The following LRP1B variants were observed in gnomAD, a reference collection of about 807,000 sequenced individuals.
LRP1B encodes LDL receptor related protein 1B, also known as low-density lipoprotein receptor-related protein 1B.
In LRP1B, 217 loss-of-function variants were observed where a neutral mutation model predicts 556.6. That is an observed-to-expected ratio of 0.39 (90% CI 0.35 to 0.44). LRP1B has a LOEUF of 0.44. Ranked by LOEUF, LRP1B falls within the 20% of genes least tolerant of loss-of-function variation. LRP1B has a pLI of 1.00. For synonymous variants in LRP1B, 2,047 were observed against 1,865.8 expected, an observed-to-expected ratio of 1.10 and a Z score of -2.50; for missense variants, 5,053 against 5,620.8, an observed-to-expected ratio of 0.90 and a Z score of 3.23.
intron 1 of LRP1B, among the ~76,000 whole-genome samples, chr2:141,927,933 G>GAAAA (rs796539501): frequency 1.6e-5 from 2 of 126,944 alleles, no homozygotes; most frequent in African/African-American, 5.9e-5. Flanking sequence ...AAGAAAGAAA[G>GAAAA]AAAAAAAAAA....
chr2:140,799,747 A>G (rs1305636578), intron 32 of LRP1B, among the ~76,000 whole-genome samples: 1 of 152,208 alleles, frequency 6.6e-6, no homozygotes, highest in Non-Finnish European at 1.5e-5. Context: ...TCTAAACATC[A>G]TGGATTAAAA....
At chr2:140,309,331 TCTATATA>T (rs1376455325) in intron 83 of LRP1B, among the ~76,000 whole-genome samples, 3 of 151,820 alleles carry the variant, frequency 2.0e-5, no homozygotes, top group African/African-American at 7.2e-5. Context: ...TATTTATACT[TCTATATA>T]CTTCTAGAAG....
chr2:141,915,149 A>C (rs1699997205), intron 1 of LRP1B, among the ~76,000 whole-genome samples: 1 of 152,180 alleles, frequency 6.6e-6, no homozygotes, highest in African/African-American at 2.4e-5. Context: ...ACAAAAACAG[A>C]CACTTAGACC....
intron 7 of LRP1B, among the ~76,000 whole-genome samples, chr2:141,157,945 C>T (rs1312145311): frequency 1.3e-5 from 2 of 152,056 alleles, no homozygotes; most frequent in African/African-American, 4.8e-5. Context: ...CTAATATGTG[C>T]ATGTATTTTG....
chr2:141,880,403 T>A (rs952106691), intron 1 of LRP1B, among the ~76,000 whole-genome samples: 21 of 152,054 alleles, frequency 1.4e-4, no homozygotes, highest in African/African-American at 4.6e-4. Context: ...AAATATGTGA[T>A]ACATATGTGA....
chr2:140,784,878 C>T (rs964904201), intron 32 of LRP1B, among the ~76,000 whole-genome samples: 2 of 151,732 alleles, frequency 1.3e-5, no homozygotes, highest in Non-Finnish European at 2.9e-5. Flanking sequence ...CTAAGTTATA[C>T]GATCTTAAGA....
intron 67 of LRP1B, among the ~76,000 whole-genome samples, chr2:140,378,550 T>A (rs547960257): frequency 5.2e-4 from 79 of 152,306 alleles, no homozygotes; most frequent in African/African-American, 1.9e-3. Context: ...GTCTACTGTT[T>A]AATAAAAATA....
intron 1 of LRP1B, among the ~76,000 whole-genome samples, chr2:141,955,080 G>T (rs1701210552): frequency 6.6e-6 from 1 of 152,134 alleles, no homozygotes; most frequent in African/African-American, 2.4e-5. Context: ...AACTAACACA[G>T]CCATCTGAAG....
chr2:141,818,591 C>T (rs1696640987), intron 1 of LRP1B, among the ~76,000 whole-genome samples: 1 of 117,936 alleles, frequency 8.5e-6, no homozygotes, highest in Non-Finnish European at 1.6e-5. Flanking sequence ...GGCTGTAGTG[C>T]AGTGGTGCGA....
intron 7 of LRP1B, among the ~76,000 whole-genome samples, chr2:141,112,534 T>G (rs1317652283): frequency 6.6e-6 from 1 of 152,322 alleles, no homozygotes; most frequent in East Asian, 1.9e-4. Flanking sequence ...CGAGTTATAA[T>G]GCTATCTGTA....
intron 3 of LRP1B, among the ~76,000 whole-genome samples, chr2:141,318,482 A>G (rs2105465096): frequency 6.6e-6 from 1 of 152,294 alleles, no homozygotes; most frequent in Middle Eastern, 3.4e-3. Context: ...GAGGCTACTA[A>G]AAGAAGTAAT....
chr2:141,404,989 G>C (rs957386981), intron 3 of LRP1B, among the ~76,000 whole-genome samples: 1 of 152,040 alleles, frequency 6.6e-6, no homozygotes, highest in Non-Finnish European at 1.5e-5. Flanking sequence ...CTACTCGGGA[G>C]GCTGAGGCAG....
chr2:141,435,763 T>C (rs75358328), intron 3 of LRP1B, among the ~76,000 whole-genome samples: 6,317 of 152,300 alleles, frequency 0.041, 188 homozygotes, highest in Non-Finnish European at 0.059. Flanking sequence ...CCAATATTCT[T>C]GGCACACTGT....
chr2:140,673,307 T>C (rs1256281127), intron 41 of LRP1B, among the ~76,000 whole-genome samples: 1 of 152,184 alleles, frequency 6.6e-6, no homozygotes, highest in Non-Finnish European at 1.5e-5. Context: ...TTTGATTACA[T>C]TATATTATTT....
intron 2 of LRP1B, among the ~76,000 whole-genome samples, chr2:141,646,027 T>A (rs1248158769): frequency 1.3e-5 from 2 of 152,126 alleles, no homozygotes; most frequent in Non-Finnish European, 2.9e-5. Context: ...GCATTCTACA[T>A]ACTTCATGTC....
intron 30 of LRP1B, 96 bp downstream of exon 30, chr2:140,840,822 A>T: frequency 1.1e-6 from 1 of 889,114 alleles, no homozygotes; most frequent in Admixed American, 2.8e-5. Flanking sequence ...TGGCTGTTAT[A>T]TATATATCCT....
chr2:140,473,546 A>T (rs1317517120), intron 60 of LRP1B, among the ~76,000 whole-genome samples: 2 of 151,928 alleles, frequency 1.3e-5, no homozygotes, highest in Admixed American at 6.6e-5. Flanking sequence ...CATATAAGTG[A>T]CATGATTTTT....
chr2:141,602,969 C>T (rs142658990), intron 2 of LRP1B, among the ~76,000 whole-genome samples: 1 of 152,198 alleles, frequency 6.6e-6, no homozygotes, highest in Admixed American at 6.5e-5. Context: ...TTGATTTTAA[C>T]GTATTTTAAA....
chr2:141,266,876 A>T (rs183164075), intron 3 of LRP1B, among the ~76,000 whole-genome samples: 4 of 152,242 alleles, frequency 2.6e-5, no homozygotes, highest in Admixed American at 2.6e-4. Context: ...GCTAAAAAAT[A>T]AATGTATAAT....
Sources: allele counts gnomAD v4.1 joint callset (sites outside exome capture counted in the v4.1 genomes callset), GRCh38; gene constraint gnomAD v4.1.1; transcripts MANE v1.5; gene names NCBI Gene and HGNC (gene_info 2026-07-23, HGNC 2026-07-21).